The following NF1 variants were observed in gnomAD, a reference collection of about 807,000 sequenced individuals.
NF1 encodes the protein neurofibromin.
In NF1, 122 loss-of-function variants were observed where a neutral mutation model predicts 325.7. That is an observed-to-expected ratio of 0.37 (90% CI 0.32 to 0.44). The LOEUF is 0.44. Ranked by LOEUF, NF1 falls within the 20% of genes least tolerant of loss-of-function variation. The pLI is 1.00. For missense variants in NF1, 2,140 were observed against 3,415.4 expected, an observed-to-expected ratio of 0.63 and a Z score of 9.31; for synonymous variants, 1,091 against 1,186.0, an observed-to-expected ratio of 0.92 and a Z score of 1.65.
intron 39 of NF1, among the ~76,000 whole-genome samples, chr17:31,332,546 G>T (rs1030124705): frequency 2.0e-5 from 3 of 151,184 alleles, no homozygotes; most frequent in African/African-American, 7.3e-5. Context: ...TTAATAAAAA[G>T]TGGATTAACA....
At chr17:31,231,930 G>C (rs989676516) in intron 24 of NF1, 143 bp from the exon 25 acceptor site, 2 of 587,178 alleles carry the variant, frequency 3.4e-6, no homozygotes, top group Non-Finnish European at 6.0e-6. Flanking sequence ...CAAATTATTT[G>C]GGTTGTGCTA....
intron 51 of NF1, 128 bp from the exon 52 acceptor site, chr17:31,356,332 A>AT: frequency 1.1e-6 from 1 of 901,842 alleles, no homozygotes; most frequent in Non-Finnish European, 1.8e-6. Context: ...CCAGGGATGT[A>AT]TTAGAGCTTT....
chr17:31,339,175 T>C (rs2069758033), intron 46 of NF1, among the ~76,000 whole-genome samples: 1 of 152,142 alleles, frequency 6.6e-6, no homozygotes. Flanking sequence ...GGAGCTTACT[T>C]TCTGGGGTGG....
chr17:31,119,323 G>A (rs1914235633), intron 1 of NF1, among the ~76,000 whole-genome samples: 1 of 152,186 alleles, frequency 6.6e-6, no homozygotes, highest in South Asian at 2.1e-4. Context: ...ACTGGTGTGA[G>A]ATGGTATCTC....
In NF1 at chr17:31,264,044, A is replaced by C. The variant is rs772153663; in HGVS notation, c.4725-1185A>C. On this transcript the variant is annotated intron_variant, in intron 35 of 57. Coordinates refer to ENST00000358273, the MANE Select transcript of NF1 (RefSeq NM_001042492.3). ...GCAGCATGATGGGCTGAGCTAATGC[A>C]ATCTCTTCCCAAGACATAAGGCTCA... is the stretch of plus-strand genomic sequence containing the variant. Among the ~76,000 whole-genome samples, 6 of 152,272 alleles carry C rather than the reference A, an allele frequency of 3.9e-5. 1 individual carries two copies. In the South Asian group the frequency reaches 1.2e-3, roughly 32 times the overall value.
chr17:31,222,281 GTT>G (rs2066938264), intron 15 of NF1: 1 of 1,045,590 alleles, frequency 9.6e-7, no homozygotes, highest in Non-Finnish European at 1.2e-6. Context: ...TAACAATACT[GTT>G]TTTTCAGTTT....
chr17:31,108,262 GTTTT>G (rs56180844), intron 1 of NF1, among the ~76,000 whole-genome samples: 1 of 82,520 alleles, frequency 1.2e-5, no homozygotes, highest in Non-Finnish European at 2.2e-5. Flanking sequence ...AAAGTAGAGA[GTTTT>G]TTTTTTTTTT....
intron 43 of NF1, 28 bp from the exon 44 acceptor site, chr17:31,337,791 T>C (rs759180349): frequency 1.9e-6 from 3 of 1,606,308 alleles, no homozygotes; most frequent in East Asian, 4.5e-5. Flanking sequence ...TTATGTACAA[T>C]ATGTATTCAG....
intron 36 of NF1, among the ~76,000 whole-genome samples, chr17:31,315,835 C>T (rs1858520793): frequency 6.6e-6 from 1 of 152,074 alleles, no homozygotes; most frequent in South Asian, 2.1e-4. Flanking sequence ...GTACTTATAG[C>T]TTGGTGCAAA....
intron 36 of NF1, among the ~76,000 whole-genome samples, chr17:31,266,526 C>T (rs545590924): frequency 1.3e-4 from 20 of 152,266 alleles, no homozygotes; most frequent in African/African-American, 4.6e-4. Flanking sequence ...TCTAAATTGC[C>T]TAAGATCATT....
In NF1 at chr17:31,358,365, A is replaced by G. The variant is rs548340659; in HGVS notation, c.7971-115A>G. The G allele has an allele frequency of 2.8e-6, 3 of 1,072,234 alleles. No homozygotes were observed. The South Asian group carries it at 4.2e-5, about 15-fold the overall frequency. The allele number at this position is 1,072,234 out of a possible 1,614,324, so 66.4% of individuals were successfully genotyped here. A position where few individuals can be genotyped will look rare whatever the true frequency, so the allele number is the denominator to read the frequency against. On this transcript the variant is annotated intron_variant, in intron 54 of 57. Coordinates refer to ENST00000358273, the MANE Select transcript of NF1 (RefSeq NM_001042492.3). Reference sequence around the variant, plus strand: ...ATGCCCCAGAAAGTAAAAAGCACTCATCTCCCTTTAATTTTGGCACATTAT... The same window carrying G: ...ATGCCCCAGAAAGTAAAAAGCACTCGTCTCCCTTTAATTTTGGCACATTAT...
intron 1 of NF1, among the ~76,000 whole-genome samples, chr17:31,128,116 A>ATTT (rs546185681): frequency 3.6e-5 from 4 of 112,086 alleles, no homozygotes; most frequent in Non-Finnish European, 2.0e-5. Context: ...TGATTTTTGT[A>ATTT]TTTTTTTTTT....
chr17:31,205,473 T>A (rs1344794139), intron 11 of NF1, among the ~76,000 whole-genome samples: 1 of 152,184 alleles, frequency 6.6e-6, no homozygotes, highest in Non-Finnish European at 1.5e-5. Context: ...TTCACAATTG[T>A]CATTTTTTAA....
At chr17:31,169,749 T>C in intron 4 of NF1, 142 bp from the exon 5 acceptor site, 1 of 615,112 alleles carries the variant, frequency 1.6e-6, no homozygotes, top group Non-Finnish European at 2.9e-6. Flanking sequence ...TCTTGCTATG[T>C]TGCCCAGGCT....
At chr17:31,296,173 C>T (rs1286707199) in intron 36 of NF1, 2 of 1,612,676 alleles carry the variant, frequency 1.2e-6, no homozygotes, top group Non-Finnish European at 1.7e-6. Flanking sequence ...TATTCTCTTG[C>T]AGTCCAGATG....
At chr17:31,101,755 T>C (rs1307571420) in intron 1 of NF1, among the ~76,000 whole-genome samples, 1 of 152,198 alleles carries the variant, frequency 6.6e-6, no homozygotes, top group Non-Finnish European at 1.5e-5. Flanking sequence ...GACTAAACTC[T>C]GCTATCTCAC....
chr17:31,224,260 T>C (rs1248723945), intron 16 of NF1, among the ~76,000 whole-genome samples: 1 of 152,164 alleles, frequency 6.6e-6, no homozygotes, highest in Non-Finnish European at 1.5e-5. Flanking sequence ...GAGCCTTAAA[T>C]TTCTTTTAAC....
intron 1 of NF1, among the ~76,000 whole-genome samples, chr17:31,143,477 C>T (rs1336889593): frequency 2.0e-5 from 3 of 152,088 alleles, no homozygotes; most frequent in Non-Finnish European, 4.4e-5. Context: ...CACTTTGTTG[C>T]CCAGGCTGGT....
chr17:31,262,302 A>G (rs909486174), intron 35 of NF1, among the ~76,000 whole-genome samples: 16 of 152,196 alleles, frequency 1.1e-4, no homozygotes, highest in Admixed American at 6.5e-4. Context: ...AAATTATTTC[A>G]GATTAAGGTT....
Sources: allele counts gnomAD v4.1 joint callset (sites outside exome capture counted in the v4.1 genomes callset), GRCh38; gene constraint gnomAD v4.1.1; transcripts MANE v1.5; gene names NCBI Gene and HGNC (gene_info 2026-07-23, HGNC 2026-07-21).